Variants in TMEM132D observed in about 807,000 individuals in gnomAD.
The protein encoded by TMEM132D is transmembrane protein 132D.
A neutral mutation model predicts 62.3 loss-of-function variants in TMEM132D; 21 were observed. The ratio of observed to expected loss-of-function variants is 0.34; its 90% confidence interval spans 0.24 to 0.49. The LOEUF (loss-of-function observed/expected upper bound fraction) is 0.49. Among genes scored for constraint, TMEM132D ranks in the 20% least tolerant of loss-of-function variants. TMEM132D has a pLI of 0.99. For synonymous variants in TMEM132D, 621 were observed against 575.6 expected (o/e 1.08, Z -1.13); for missense variants, 1,346 against 1,402.8 (o/e 0.96, Z 0.65).
intron 5 of TMEM132D, among the ~76,000 whole-genome samples, chr12:129,168,712 G>A (rs1877633821): frequency 6.6e-6 from 1 of 152,190 alleles, no homozygotes; most frequent in Admixed American, 6.5e-5. Flanking sequence ...CATAGGCTGT[G>A]TAGTGTCATC....
chr12:129,679,473 C>A (rs1422737626), intron 2 of TMEM132D, among the ~76,000 whole-genome samples: 1 of 151,892 alleles, frequency 6.6e-6, no homozygotes, highest in Non-Finnish European at 1.5e-5. Context: ...TTTTTATTTT[C>A]TTTCTGGGAT....
intron 2 of TMEM132D, among the ~76,000 whole-genome samples, chr12:129,688,890 C>G (rs1293498911): frequency 1.3e-5 from 2 of 152,190 alleles, no homozygotes; most frequent in African/African-American, 4.8e-5. Context: ...TGAATTTGCT[C>G]TATGAATATT....
intron 2 of TMEM132D, among the ~76,000 whole-genome samples, chr12:129,626,931 G>A (rs747855917): frequency 2.6e-5 from 4 of 152,120 alleles, no homozygotes; most frequent in Non-Finnish European, 5.9e-5. Context: ...CGTTGGCTAA[G>A]ACTGATTTTT....
At chr12:129,253,850 G>A (rs1409165812) in intron 4 of TMEM132D, among the ~76,000 whole-genome samples, 2 of 152,136 alleles carry the variant, frequency 1.3e-5, no homozygotes, top group Non-Finnish European at 2.9e-5. Context: ...GAATTAACAT[G>A]GGGAGAAATA....
In TMEM132D at chr12:129,082,855, G is replaced by A. The variant is rs555301629; in HGVS notation, c.1650-823C>T. 2.6e-5 allele frequency among the ~76,000 whole-genome samples: 4 copies of A among 152,264 alleles called. No individual in the cohort carries two copies. The South Asian group carries it at 8.3e-4, about 32-fold the overall frequency. On this transcript the variant is annotated intron_variant, in intron 6 of 8. Coordinates refer to ENST00000422113, the MANE Select transcript of TMEM132D (RefSeq NM_133448.3). ...AGCAATCCTTCCACTCCAGCCTCCTGAATAGCTTGGACTACTGTGCAAGCC... is the reference window on the plus strand; with the variant it reads ...AGCAATCCTTCCACTCCAGCCTCCTAAATAGCTTGGACTACTGTGCAAGCC...
chr12:129,131,895 C>T (rs1445300239), intron 5 of TMEM132D, among the ~76,000 whole-genome samples: 1 of 152,072 alleles, frequency 6.6e-6, no homozygotes, highest in Non-Finnish European at 1.5e-5. Context: ...CAAATATTTC[C>T]TTAATATTTT....
intron 4 of TMEM132D, among the ~76,000 whole-genome samples, chr12:129,325,923 A>C (rs1456761808): frequency 6.6e-6 from 1 of 152,240 alleles, no homozygotes; most frequent in African/African-American, 2.4e-5. Flanking sequence ...AAAGACGATG[A>C]AGTTCACCAA....
chr12:129,478,373 G>T (rs1874331843), intron 3 of TMEM132D, among the ~76,000 whole-genome samples: 1 of 152,138 alleles, frequency 6.6e-6, no homozygotes, highest in Non-Finnish European at 1.5e-5. Context: ...GGCATCACTG[G>T]GTGATAGGAA....
chr12:129,421,270 T>C (rs1872315549), intron 3 of TMEM132D, among the ~76,000 whole-genome samples: 1 of 151,138 alleles, frequency 6.6e-6, no homozygotes, highest in Non-Finnish European at 1.5e-5. Context: ...GCCTAGTGGA[T>C]CTATTTTTAA....
At chr12:129,236,498 G>A (rs1351336188) in intron 4 of TMEM132D, among the ~76,000 whole-genome samples, 3 of 135,962 alleles carry the variant, frequency 2.2e-5, no homozygotes, top group Non-Finnish European at 4.6e-5. Context: ...CTGGGCAATG[G>A]AGTGAGACTC....
chr12:129,244,859 T>C (rs1880051933), intron 4 of TMEM132D, among the ~76,000 whole-genome samples: 1 of 152,156 alleles, frequency 6.6e-6, no homozygotes, highest in African/African-American at 2.4e-5. Flanking sequence ...CAGGCTGGTC[T>C]CAAACTCCTG....
chr12:129,724,805 G>A (rs937420190), intron 1 of TMEM132D, among the ~76,000 whole-genome samples: 1 of 152,024 alleles, frequency 6.6e-6, no homozygotes, highest in Non-Finnish European at 1.5e-5. Flanking sequence ...TTACAGGCAT[G>A]AGCCACCGTG....
Position 129,081,906 on chromosome 12 carries a change from T to G in TMEM132D, c.1776A>C (p.Gly592=). The G allele has an allele frequency of 6.2e-7, 1 of 1,613,874 alleles. No individual in the cohort carries two copies. ...CTGAGCCCAGCAGGTGGGCCAGGTG[T>G]CCCCCAGGGCCGGCCGCCTCAGCCA... The part of the protein sequence containing the change: ...QFVAEAAGPG[G]HLAHLLGSDW... Residue 592 remains glycine, a synonymous_variant, in exon 7 of 9, where the codon GGA becomes GGC. Transcript: ENST00000422113.
chr12:129,390,203 G>A (rs1284623866), intron 3 of TMEM132D, among the ~76,000 whole-genome samples: 6 of 152,200 alleles, frequency 3.9e-5, no homozygotes, highest in Non-Finnish European at 7.3e-5. Context: ...TGGCCCACGG[G>A]CCAGTTCGGG....
rs115441584 is a variant in TMEM132D, at chr12:129,480,599, C to A, written c.1115+50460G>T. Among the ~76,000 whole-genome samples the A allele has an allele frequency of 6.0e-3, 920 of 152,288 alleles. 11 individuals carry two copies. The highest frequency in any genetic ancestry group is 0.021 in the African/African-American group (890 of 41,550). ...ATAGGGACGTTCTCTAGCATATGAC[C>A]ATCTGGTTCTGAGTCATACCTTCTT... On this transcript the variant is annotated intron_variant, in intron 3 of 8. Coordinates refer to ENST00000422113, the MANE Select transcript of TMEM132D (RefSeq NM_133448.3).
At chr12:129,780,428 TC>T (rs1871086881) in intron 1 of TMEM132D, among the ~76,000 whole-genome samples, 2 of 152,112 alleles carry the variant, frequency 1.3e-5, no homozygotes, top group Admixed American at 6.5e-5. Flanking sequence ...CATAGAAATC[TC>T]GACATCTACC....
chr12:129,520,510 T>C (rs1255685661), intron 3 of TMEM132D, among the ~76,000 whole-genome samples: 2 of 152,222 alleles, frequency 1.3e-5, no homozygotes, highest in South Asian at 2.1e-4. Context: ...TTGGAATACA[T>C]TTACTTGAAT....
chr12:129,338,237 C>T (rs564976432), intron 3 of TMEM132D, among the ~76,000 whole-genome samples: 280 of 152,282 alleles, frequency 1.8e-3, no homozygotes, highest in African/African-American at 6.5e-3. Context: ...GAGTTGGTTG[C>T]ACAGAATTTT....
At chr12:129,300,617 C>T (rs1383060610) in intron 4 of TMEM132D, among the ~76,000 whole-genome samples, 1 of 152,108 alleles carries the variant, frequency 6.6e-6, no homozygotes, top group Non-Finnish European at 1.5e-5. Context: ...AATCTCTTCC[C>T]TTGTCTTTTT....
Sources: gnomAD v4.1 joint callset for allele counts (sites outside exome capture counted in the v4.1 genomes callset) on GRCh38, gnomAD v4.1.1 for gene constraint, MANE v1.5 for transcripts, NCBI Gene and HGNC (gene_info 2026-07-23, HGNC 2026-07-21) for gene names.